Variants in MICOS10 observed in about 807,000 individuals in gnomAD.
The protein encoded by MICOS10 is mitochondrial contact site and cristae organizing system subunit 10, also known as MICOS complex subunit MIC10.
MICOS10 carries 5 observed loss-of-function variants against 13.4 expected under a neutral mutation model. That is an observed-to-expected ratio of 0.37 (90% CI 0.20 to 0.78). MICOS10 has a LOEUF of 0.78. MICOS10 is among the 30% of genes least tolerant of loss of function. The pLI is 0.47. For missense variants in MICOS10, 101 were observed against 94.6 expected (o/e 1.07, Z -0.28); for synonymous variants, 35 against 33.6 (o/e 1.04, Z -0.15).
At chr1:19,608,994 C>CTTTTTTTTTTTT (rs5772856) in intron 1 of MICOS10, among the ~76,000 whole-genome samples, 1 of 60,594 alleles carries the variant, frequency 1.7e-5, no homozygotes, top group Non-Finnish European at 3.0e-5. Flanking sequence ...CTTTTCCCAG[C>CTTTTTTTTTTTT]TTTTTTTTTT....
chr1:19,608,415 G>A (rs770180463), intron 1 of MICOS10: 3 of 1,263,732 alleles, frequency 2.4e-6, no homozygotes, highest in African/African-American at 1.4e-5. Context: ...CGGGCCACAG[G>A]AGGAAATAGG....
At chr1:19,614,241 A>T (rs981024732) in intron 1 of MICOS10, among the ~76,000 whole-genome samples, 1 of 151,734 alleles carries the variant, frequency 6.6e-6, no homozygotes, top group Admixed American at 6.6e-5. Context: ...GATGCCTGTT[A>T]TAAGTAGCAT....
intron 1 of MICOS10, among the ~76,000 whole-genome samples, chr1:19,607,830 A>G (rs542173312): frequency 6.6e-6 from 1 of 152,360 alleles, no homozygotes; most frequent in African/African-American, 2.4e-5. Context: ...GCTTGCAGTA[A>G]AGCTACAAGA....
chr1:19,597,252 C>CCGGG, intron 1 of MICOS10, 143 bp downstream of exon 1: 1 of 849,220 alleles, frequency 1.2e-6, no homozygotes, highest in Non-Finnish European at 1.8e-6. Context: ...GGCGAGCCGC[C>CCGGG]CGGGCCCCGG....
At chr1:19,623,041 C>A (rs1409605374) in intron 2 of MICOS10, among the ~76,000 whole-genome samples, 1 of 151,686 alleles carries the variant, frequency 6.6e-6, no homozygotes, top group Non-Finnish European at 1.5e-5. Context: ...CCTGCCTCAG[C>A]CTCCCAAGTA....
At chr1:19,599,733 A>G (rs2094806622) in intron 1 of MICOS10, among the ~76,000 whole-genome samples, 1 of 152,212 alleles carries the variant, frequency 6.6e-6, no homozygotes, top group Non-Finnish European at 1.5e-5. Context: ...TTAAATATCC[A>G]GAAGTGGAGG....
At chr1:19,604,743 G>T (rs1048796088) in intron 1 of MICOS10, among the ~76,000 whole-genome samples, 1 of 152,176 alleles carries the variant, frequency 6.6e-6, no homozygotes, top group South Asian at 2.1e-4. Flanking sequence ...CTTGGCAGGG[G>T]GTGGCACACA....
chr1:19,617,961 A>T (rs2094890407), intron 1 of MICOS10, among the ~76,000 whole-genome samples: 1 of 152,210 alleles, frequency 6.6e-6, no homozygotes, highest in Middle Eastern at 3.4e-3. Flanking sequence ...CCGATGTGTC[A>T]TATAAACAAT....
At chr1:19,598,868 T>C (rs940137964) in intron 1 of MICOS10, among the ~76,000 whole-genome samples, 1 of 152,120 alleles carries the variant, frequency 6.6e-6, no homozygotes, top group Non-Finnish European at 1.5e-5. Flanking sequence ...TCATAATAAC[T>C]GGCTTTTAAA....
At chr1:19,605,071 G>A (rs1041338197) in intron 1 of MICOS10, among the ~76,000 whole-genome samples, 20 of 152,152 alleles carry the variant, frequency 1.3e-4, no homozygotes, top group Non-Finnish European at 2.8e-4. Context: ...GCTCATGGTG[G>A]CAGAATCCCT....
intron 1 of MICOS10, among the ~76,000 whole-genome samples, chr1:19,619,750 G>A (rs2094896694): frequency 6.6e-6 from 1 of 152,222 alleles, no homozygotes; most frequent in African/African-American, 2.4e-5. Context: ...GCATTAAATT[G>A]CATGGTTAGA....
rs989793791 is a variant in MICOS10, at chr1:19,629,163, C to G, written c.*2762C>G. ...TGGCAAAGGCACACATTCTGTGTTA[C>G]TCTTAAGTTTCATTAGAAATTCAAG... On this transcript the variant is annotated 3_prime_UTR_variant, in exon 4 of 4. Transcript: ENST00000322753. The G allele has an allele frequency of 6.6e-6, 1 of 152,226 alleles. No individual in the cohort carries two copies. Among genetic ancestry groups the G allele is most frequent in the Non-Finnish European group, 1.5e-5 (1 of 68,048 alleles). 9.4% of individuals were successfully genotyped at this position (152,226 alleles called of 1,614,324 possible).
At chr1:19,609,012 T>G (rs1406415193) in intron 1 of MICOS10, among the ~76,000 whole-genome samples, 1 of 137,392 alleles carries the variant, frequency 7.3e-6, no homozygotes, top group African/African-American at 2.8e-5. Context: ...TTTTTTTTTT[T>G]TTTTTTTTTT....
intron 3 of MICOS10, chr1:19,625,321 A>C: frequency 8.0e-7 from 1 of 1,255,430 alleles, no homozygotes; most frequent in South Asian, 1.3e-5. Context: ...TCTAGTCAGG[A>C]GCTGTGGCCA....
At chr1:19,620,773 G>A (rs756272048) in intron 1 of MICOS10, among the ~76,000 whole-genome samples, 13 of 152,176 alleles carry the variant, frequency 8.5e-5, no homozygotes, top group African/African-American at 1.7e-4. Flanking sequence ...TGAGTGGTAC[G>A]GTTAGCAATG....
At chr1:19,614,269 C>A (rs376639253) in intron 1 of MICOS10, among the ~76,000 whole-genome samples, 24 of 151,504 alleles carry the variant, frequency 1.6e-4, no homozygotes, top group African/African-American at 5.6e-4. Context: ...TTATAATTAT[C>A]CAGGTAGAAG....
chr1:19,625,545 C>G, intron 3 of MICOS10: 1 of 1,289,436 alleles, frequency 7.8e-7, no homozygotes, highest in Non-Finnish European at 1.0e-6. Flanking sequence ...CGGCAGCCGG[C>G]CTTTTCCACC....
intron 3 of MICOS10, among the ~76,000 whole-genome samples, chr1:19,624,910 AT>A (rs2094916831): frequency 6.6e-6 from 1 of 152,168 alleles, no homozygotes; most frequent in Non-Finnish European, 1.5e-5. Context: ...TAGCAGCACA[AT>A]TTTCAGTGAA....
At chr1:19,602,757 T>C (rs550107417) in intron 1 of MICOS10, among the ~76,000 whole-genome samples, 26 of 152,284 alleles carry the variant, frequency 1.7e-4, no homozygotes, top group African/African-American at 5.1e-4. Context: ...TATGTATGGG[T>C]AATCTGTCTT....
Sources: gnomAD v4.1 joint callset for allele counts (sites outside exome capture counted in the v4.1 genomes callset) on GRCh38, gnomAD v4.1.1 for gene constraint, MANE v1.5 for transcripts, NCBI Gene and HGNC (gene_info 2026-07-23, HGNC 2026-07-21) for gene names.